TOR1AIP2: variants seen among roughly 807,000 people sequenced by gnomAD.
The protein encoded by TOR1AIP2 is torsin-1A-interacting protein 2.
In TOR1AIP2, 20 loss-of-function variants were observed where a neutral mutation model predicts 32.6. The observed-to-expected ratio is 0.61, with a 90% CI of 0.43 to 0.89. TOR1AIP2 has a LOEUF of 0.89. TOR1AIP2 is among the 40% of genes least tolerant of loss of function. The probability of loss-of-function intolerance (pLI) is 0.00; values close to 1 mark genes in which losing one functional copy is unlikely to be tolerated. For missense variants in TOR1AIP2, 456 were observed against 553.8 expected (o/e 0.82, Z 1.77); for synonymous variants, 214 against 210.8 (o/e 1.02, Z -0.13).
intron 2 of TOR1AIP2, chr1:179,875,118 AGCC>A (rs1697143790): frequency 6.6e-6 from 1 of 152,344 alleles, no homozygotes; most frequent in East Asian, 1.9e-4. Flanking sequence ...TCCTGCCTCA[AGCC>A]TCCCGAGAAG....
intron 2 of TOR1AIP2, chr1:179,875,720 A>C (rs1465964948): frequency 6.6e-6 from 1 of 152,184 alleles, no homozygotes; most frequent in East Asian, 1.9e-4. Flanking sequence ...CACCAAAAAA[A>C]AAAAAATCAT....
chr1:179,858,777 T>TA (rs796915081), intron 3 of TOR1AIP2, among the ~76,000 whole-genome samples: 9 of 152,234 alleles, frequency 5.9e-5, no homozygotes, highest in African/African-American at 2.2e-4. Context: ...AAAAGGACCT[T>TA]ACCCATCCTC....
intron 3 of TOR1AIP2, among the ~76,000 whole-genome samples, chr1:179,856,596 G>T (rs980482537): frequency 2.6e-5 from 4 of 151,876 alleles, no homozygotes; most frequent in Non-Finnish European, 5.9e-5. Context: ...AGATCTGGAG[G>T]CCACTGTTTC....
At chr1:179,858,960 A>G (rs1015054742) in intron 3 of TOR1AIP2, 1 of 919,608 alleles carries the variant, frequency 1.1e-6, no homozygotes. Flanking sequence ...GAAGAGCACA[A>G]AAGAATCAGC....
At chr1:179,856,070 C>G (rs1329895354) in intron 3 of TOR1AIP2, among the ~76,000 whole-genome samples, 1 of 151,966 alleles carries the variant, frequency 6.6e-6, no homozygotes, top group Non-Finnish European at 1.5e-5. Flanking sequence ...GTAGTCCCAG[C>G]TGCTGAGGTG....
chr1:179,864,900 G>A (rs1200147192), intron 3 of TOR1AIP2: 1 of 1,614,012 alleles, frequency 6.2e-7, no homozygotes, highest in Non-Finnish European at 8.5e-7. Flanking sequence ...ACCAGTGGAG[G>A]ACCCAGAAGA....
In TOR1AIP2 at chr1:179,850,962, C is replaced by T. The variant is rs770205390; in HGVS notation, c.436G>A (p.Gly146Arg). The change falls in exon 5 of 7, where the codon GGA (glycine) becomes AGA (arginine). Residue 146 changes from glycine to arginine, a missense_variant. By Grantham distance (125) the Gly-to-Arg change is moderately radical. Transcript: ENST00000609928. ...SVALPKEASD[G>R]TGASQEPPTT... ...GGTGGTTCCTGAGATGCTCCAGTTC[C>T]GTCACTCGCTTCCTTAGGGAGGGCC... 70 of 1,614,076 alleles carry T rather than the reference C, an allele frequency of 4.3e-5. No homozygotes were observed. The Admixed American group carries it at 4.5e-4, about 10-fold the overall frequency.
chr1:179,873,479 T>C (rs1243105433), intron 2 of TOR1AIP2, among the ~76,000 whole-genome samples: 1 of 152,260 alleles, frequency 6.6e-6, no homozygotes, highest in Non-Finnish European at 1.5e-5. Flanking sequence ...GGGTTCATGA[T>C]GTCCTTGTCT....
intron 3 of TOR1AIP2, chr1:179,864,924 C>G: frequency 6.2e-7 from 1 of 1,614,048 alleles, no homozygotes. Flanking sequence ...GGATGGCAAG[C>G]TTTCTCAAAG....
At position 179,853,229 on chromosome 1, in the gene TOR1AIP2, A is replaced by G. The variant is rs189827486; in HGVS notation, c.-146-418T>C. On this transcript the variant is annotated intron_variant, in intron 3 of 6. Transcript: ENST00000609928. ...CATAGTCTGCCTATCAGGAGCTTTC[A>G]CTTATATTAAAAAGTAACAATGCAC... Among the ~76,000 whole-genome samples the G allele has an allele frequency of 1.2e-3, 184 of 152,340 alleles. 1 individual carries two copies. Among genetic ancestry groups the G allele is most frequent in the African/African-American group, 4.2e-3 (175 of 41,572 alleles).
In TOR1AIP2 at chr1:179,843,658, T is replaced by C. The variant is rs929893027; in HGVS notation, c.*2413A>G. ...GCAACACAGTAAGACCCTGTCTCTATACAAAATAGTGTGGTAGAGTGGTGT... is the reference window on the plus strand; with the variant it reads ...GCAACACAGTAAGACCCTGTCTCTACACAAAATAGTGTGGTAGAGTGGTGT... On this transcript the variant is annotated 3_prime_UTR_variant, in exon 7 of 7. Transcript: ENST00000609928. 1 of 151,632 alleles carries C rather than the reference T, an allele frequency of 6.6e-6. No homozygotes were observed. Among genetic ancestry groups the C allele is most frequent in the African/African-American group, 2.4e-5 (1 of 41,238 alleles). The allele number at this position is 151,632 out of a possible 1,614,324, so 9.4% of individuals were successfully genotyped here. A position where few individuals can be genotyped will look rare whatever the true frequency, so the allele number is the denominator to read the frequency against.
chr1:179,874,892 A>T (rs887745559), intron 2 of TOR1AIP2: 2 of 152,240 alleles, frequency 1.3e-5, no homozygotes, highest in African/African-American at 4.8e-5. Context: ...ACAAATATAG[A>T]ACCCAATATA....
intron 3 of TOR1AIP2, among the ~76,000 whole-genome samples, chr1:179,855,415 T>C (rs1696261798): frequency 6.6e-6 from 1 of 152,088 alleles, no homozygotes; most frequent in Non-Finnish European, 1.5e-5. Context: ...AAGGGATGAA[T>C]AAGCAGTTCA....
intron 3 of TOR1AIP2, chr1:179,860,345 G>C (rs1232476819): frequency 1.4e-6 from 1 of 720,700 alleles, no homozygotes; most frequent in African/African-American, 1.9e-5. Flanking sequence ...AGCTGGGCAT[G>C]GTGGTGCAAG....
At chr1:179,849,634 G>A (rs572806540) in intron 5 of TOR1AIP2, among the ~76,000 whole-genome samples, 1 of 151,756 alleles carries the variant, frequency 6.6e-6, no homozygotes, top group South Asian at 2.1e-4. Flanking sequence ...TAGCTAGAAT[G>A]CAGTGGCTAT....
At chr1:179,850,814 A>G in intron 5 of TOR1AIP2, 31 bp downstream of exon 5, 1 of 1,599,808 alleles carries the variant, frequency 6.3e-7, no homozygotes. Context: ...AGCAGTACAA[A>G]ACAGGAGAGT....
At chr1:179,861,601 A>G in intron 3 of TOR1AIP2, 5 of 985,452 alleles carry the variant, frequency 5.1e-6, no homozygotes, top group Non-Finnish European at 6.0e-6. Context: ...AACATTCCTG[A>G]TTAGTTTAAT....
chr1:179,868,273 C>T (rs7414851), intron 2 of TOR1AIP2: 17 of 152,220 alleles, frequency 1.1e-4, no homozygotes, highest in Admixed American at 2.6e-4. Context: ...ATTTTTTTCA[C>T]ATAAAACAGG....
At chr1:179,861,277 A>C (rs1419770842) in intron 3 of TOR1AIP2, 28 of 984,792 alleles carry the variant, frequency 2.8e-5, no homozygotes, top group Non-Finnish European at 3.4e-5. Context: ...ATTTTAATAA[A>C]ATTCATTATT....
Sources: allele counts gnomAD v4.1 joint callset (sites outside exome capture counted in the v4.1 genomes callset), GRCh38; gene constraint gnomAD v4.1.1; transcripts MANE v1.5; gene names NCBI Gene and HGNC (gene_info 2026-07-23, HGNC 2026-07-21).